Variants in TARP observed in about 807,000 individuals in gnomAD.
At chr7:38,269,877 A>G in the TARP span, among the ~76,000 whole-genome samples, 1 of 151,950 alleles carries the variant, frequency 6.6e-6, no homozygotes, top group East Asian at 1.9e-4. Context: ...AGGTGGGAGG[A>G]TTGCTTGAGC....
the TARP span, among the ~76,000 whole-genome samples, chr7:38,272,603 A>T: frequency 6.1e-5 from 9 of 148,734 alleles, no homozygotes; most frequent in African/African-American, 2.2e-4. Flanking sequence ...ATATCAAATT[A>T]TAATTTTTTG....
chr7:38,270,629 T>G, the TARP span, among the ~76,000 whole-genome samples: 32 of 151,446 alleles, frequency 2.1e-4, no homozygotes, highest in East Asian at 4.8e-3. Context: ...CACCTGGCTT[T>G]ACCCTTCAAG....
the TARP span, among the ~76,000 whole-genome samples, chr7:38,265,917 A>C: frequency 1.3e-5 from 2 of 151,728 alleles, no homozygotes; most frequent in African/African-American, 4.8e-5. Context: ...CTCAAATGTC[A>C]GATGCTGGAC....
chr7:38,261,193 G>T, the TARP span, among the ~76,000 whole-genome samples: 1 of 151,600 alleles, frequency 6.6e-6, no homozygotes, highest in Non-Finnish European at 1.5e-5. Flanking sequence ...AGCCCCACAT[G>T]ATGTCCGTTT....
the TARP span, among the ~76,000 whole-genome samples, chr7:38,270,299 C>T: frequency 7.2e-5 from 11 of 151,750 alleles, no homozygotes; most frequent in African/African-American, 2.4e-4. Flanking sequence ...GGAATAATTT[C>T]TCAGTTCCTC....
At chr7:38,272,844 A>G in the TARP span, among the ~76,000 whole-genome samples, 1 of 151,372 alleles carries the variant, frequency 6.6e-6, no homozygotes, top group African/African-American at 2.4e-5. Context: ...AGTCAATTGG[A>G]TAAAAGAGAA....
At chr7:38,262,039 G>A in the TARP span, 1 of 763,066 alleles carries the variant, frequency 1.3e-6, no homozygotes, top group Non-Finnish European at 2.3e-6. Context: ...CCTAGAAAAT[G>A]AGGGACTAAT....
the TARP span, among the ~76,000 whole-genome samples, chr7:38,270,923 T>C: frequency 6.6e-6 from 1 of 151,428 alleles, no homozygotes; most frequent in Non-Finnish European, 1.5e-5. Context: ...AATCTAGTAA[T>C]AGAAAAAAAT....
chr7:38,267,448 T>C, the TARP span, among the ~76,000 whole-genome samples: 7 of 151,886 alleles, frequency 4.6e-5, no homozygotes, highest in East Asian at 1.9e-4. Flanking sequence ...ATTTAATAAT[T>C]GAACAATTTC....
the TARP span, chr7:38,262,103 C>G: frequency 7.3e-7 from 1 of 1,369,832 alleles, no homozygotes; most frequent in Non-Finnish European, 1.0e-6. Context: ...AATCCATTCC[C>G]TGATTTTTCA....
At chr7:38,267,999 C>G in the TARP span, among the ~76,000 whole-genome samples, 1 of 151,294 alleles carries the variant, frequency 6.6e-6, no homozygotes, top group Non-Finnish European at 1.5e-5. Flanking sequence ...GAATCTGGAA[C>G]TTCCAAAACT....
the TARP span, chr7:38,265,318 G>T: frequency 1.1e-5 from 16 of 1,521,038 alleles, no homozygotes; most frequent in Non-Finnish European, 1.4e-5. Flanking sequence ...TCAAAGAAGT[G>T]TTCTGACAGA....
At chr7:38,270,093 C>T in the TARP span, among the ~76,000 whole-genome samples, 8 of 151,840 alleles carry the variant, frequency 5.3e-5, no homozygotes, top group African/African-American at 1.9e-4. Flanking sequence ...CAGGGGAAGA[C>T]CCTGCCTCAA....
the TARP span, chr7:38,265,643 T>A: frequency 5.6e-6 from 9 of 1,608,542 alleles, no homozygotes; most frequent in Non-Finnish European, 7.6e-6. Flanking sequence ...AGAAAAATAG[T>A]GGGCTTGGGG....
the TARP span, among the ~76,000 whole-genome samples, chr7:38,267,970 A>T: frequency 6.6e-6 from 1 of 151,388 alleles, no homozygotes; most frequent in Admixed American, 6.6e-5. Flanking sequence ...TTTAAGTTTC[A>T]TTCTTTTCAG....
chr7:38,273,514 A>G, the TARP span: 1 of 1,222,238 alleles, frequency 8.2e-7, no homozygotes, highest in Non-Finnish European at 1.2e-6. Context: ...AGGGAATCCT[A>G]GAATTCTGAG....
chr7:38,268,362 G>A, the TARP span, among the ~76,000 whole-genome samples: 2 of 150,742 alleles, frequency 1.3e-5, no homozygotes, highest in African/African-American at 2.4e-5. Flanking sequence ...TTTTAGAGAC[G>A]GTATGATATA....
chr7:38,273,013 G>T, the TARP span, among the ~76,000 whole-genome samples: 1 of 150,824 alleles, frequency 6.6e-6, no homozygotes, highest in African/African-American at 2.4e-5. Flanking sequence ...CAGACTAAGA[G>T]TATCTTTATG....
the TARP span, among the ~76,000 whole-genome samples, chr7:38,265,108 CT>C: frequency 6.6e-6 from 1 of 151,238 alleles, no homozygotes; most frequent in Non-Finnish European, 1.5e-5. Context: ...CAGCACGTGA[CT>C]TTCTTATTTT....
Sources: allele counts gnomAD v4.1 joint callset (sites outside exome capture counted in the v4.1 genomes callset), GRCh38; gene constraint gnomAD v4.1.1; transcripts MANE v1.5.